PTCHD4: variants seen among roughly 807,000 people sequenced by gnomAD.
PTCHD4 encodes the protein patched domain containing 4.
In PTCHD4, 33 loss-of-function variants were observed where a neutral mutation model predicts 58.1. The ratio of observed to expected loss-of-function variants is 0.57; its 90% CI spans 0.43 to 0.76. The LOEUF is 0.76. Ranked by LOEUF, PTCHD4 falls within the 30% of genes least tolerant of loss-of-function variation. The probability of loss-of-function intolerance (pLI) is 0.00; values close to 1 mark genes in which losing one functional copy is unlikely to be tolerated. For synonymous variants in PTCHD4, 478 were observed against 409.6 expected (o/e 1.17, Z -2.02); for missense variants, 1,058 against 1,027.1 (o/e 1.03, Z -0.41).
At chr6:48,094,853 AT>A (rs931228103) in intron 1 of PTCHD4, among the ~76,000 whole-genome samples, 4 of 152,254 alleles carry the variant, frequency 2.6e-5, no homozygotes, top group Admixed American at 2.6e-4. Context: ...GTAACAGAAT[AT>A]ATGAGTCTCA....
intron 3 of PTCHD4, among the ~76,000 whole-genome samples, chr6:48,047,921 C>G (rs1317479814): frequency 6.7e-6 from 1 of 149,072 alleles, no homozygotes; most frequent in Non-Finnish European, 1.5e-5. Context: ...CCTGATATGA[C>G]TAAGATAAGA....
chr6:47,884,373 A>G (rs1375901478), intron 4 of PTCHD4, among the ~76,000 whole-genome samples: 1 of 152,158 alleles, frequency 6.6e-6, no homozygotes, highest in African/African-American at 2.4e-5. Context: ...TGCTCTCTTG[A>G]AAGAAGCCCC....
intron 3 of PTCHD4, among the ~76,000 whole-genome samples, chr6:48,038,555 G>T (rs12207381): frequency 0.061 from 9,192 of 151,174 alleles, 381 homozygotes; most frequent in Middle Eastern, 0.11. Context: ...CATAAGAATC[G>T]CTTGAACCCG....
chr6:47,976,642 G>A lies in PTCHD4; in HGVS notation c.898+31992C>T, dbSNP rs182799912. On this transcript the variant is annotated intron_variant, in intron 4 of 4. Coordinates refer to ENST00000339488, the MANE Select transcript of PTCHD4 (RefSeq NM_001384253.1). ...TTACTCCAGCCTGGGCCACAAGAGC[G>A]GGACTCCATATCAAAATAAATAAAT... Among the ~76,000 whole-genome samples, 18 of 144,898 alleles carry A rather than the reference G, an allele frequency of 1.2e-4. No homozygotes were observed. In the East Asian group the frequency reaches 3.0e-3, roughly 24 times the overall value.
Position 48,069,364 on chromosome 6 carries a change from G to A in PTCHD4, c.-407C>T, listed in dbSNP as rs1764927644. ...ATTAGAGCCCAAGGAGTGGGGCATGGAGGGAGACAGCCCCAGGGCTCCAGG... is the reference window on the plus strand; with the variant it reads ...ATTAGAGCCCAAGGAGTGGGGCATGAAGGGAGACAGCCCCAGGGCTCCAGG... On this transcript the variant is annotated 5_prime_UTR_variant, in exon 2 of 5. Coordinates refer to ENST00000339488, the MANE Select transcript of PTCHD4 (RefSeq NM_001384253.1). 6.6e-6 allele frequency among the ~76,000 whole-genome samples: 1 copy of A among 152,200 alleles called. No homozygotes were observed.
At chr6:48,019,649 T>C (rs1016430748) in intron 3 of PTCHD4, among the ~76,000 whole-genome samples, 5 of 151,262 alleles carry the variant, frequency 3.3e-5, no homozygotes, top group African/African-American at 1.2e-4. Flanking sequence ...GGCAGGAGAA[T>C]GGCGTTAACC....
At chr6:48,085,354 A>G (rs767232628) in intron 1 of PTCHD4, among the ~76,000 whole-genome samples, 1 of 152,320 alleles carries the variant, frequency 6.6e-6, no homozygotes, top group South Asian at 2.1e-4. Context: ...ATGCTTAATT[A>G]GTGTTTTCTT....
intron 4 of PTCHD4, among the ~76,000 whole-genome samples, chr6:47,954,557 A>G (rs546773048): frequency 3.9e-5 from 6 of 152,356 alleles, no homozygotes; most frequent in Admixed American, 3.3e-4. Flanking sequence ...GGACATGAAC[A>G]TGAAGTACAC....
At position 47,878,429 on chromosome 6, in the gene PTCHD4, C is replaced by T. The variant is rs1763905935; in HGVS notation, c.2406G>A (p.Val802=). Residue 802 remains valine, a synonymous_variant, in exon 5 of 5, where the codon GTG becomes GTA. Coordinates refer to ENST00000339488, the MANE Select transcript of PTCHD4 (RefSeq NM_001384253.1). The stretch of plus-strand genomic sequence containing the variant: ...TGGAAGGGGGGAAAAACGTTAGGAA[C>T]ACAGGTAAAATAACAAAACAGTGCA... ...TLLHCFVILP[V]FLTFFPPSKK... 1 of 1,613,424 alleles carries T rather than the reference C, an allele frequency of 6.2e-7. No individual in the cohort carries two copies.
At chr6:48,052,210 AG>A (rs1232491226) in intron 3 of PTCHD4, among the ~76,000 whole-genome samples, 3 of 152,052 alleles carry the variant, frequency 2.0e-5, no homozygotes, top group African/African-American at 7.2e-5. Flanking sequence ...TGAACTTAAA[AG>A]TTTAATGTTT....
Position 47,878,171 on chromosome 6 carries a change from A to AT in PTCHD4, c.*131dup. On this transcript the variant is annotated 3_prime_UTR_variant, in exon 5 of 5. Transcript: ENST00000339488. Reference sequence around the variant, plus strand: ...CAAGAAGCAGGCACCTTGAAGTGTCATGAATAATGCACTCTTGATCTGACT... The same window carrying AT: ...CAAGAAGCAGGCACCTTGAAGTGTCATTGAATAATGCACTCTTGATCTGACT... 1.3e-6 allele frequency: 1 copy of AT among 747,592 alleles called. No individual in the cohort carries two copies. The highest frequency in any genetic ancestry group is 2.2e-6 in the Non-Finnish European group (1 of 461,782). The allele number at this position is 747,592 out of a possible 1,614,324, so 46.3% of individuals were successfully genotyped here. A position where few individuals can be genotyped will look rare whatever the true frequency, so the allele number is the denominator to read the frequency against.
At chr6:48,055,394 T>C (rs1395446685) in intron 3 of PTCHD4, among the ~76,000 whole-genome samples, 1 of 152,146 alleles carries the variant, frequency 6.6e-6, no homozygotes, top group Admixed American at 6.5e-5. Flanking sequence ...TCAAGTTAGT[T>C]ATCAATTACC....
At chr6:48,042,563 T>C (rs1763883441) in intron 3 of PTCHD4, among the ~76,000 whole-genome samples, 2 of 151,866 alleles carry the variant, frequency 1.3e-5, no homozygotes, top group Non-Finnish European at 2.9e-5. Context: ...AAAGGTGTGA[T>C]AGAAATATCA....
chr6:47,969,323 A>C (rs2113984615), intron 4 of PTCHD4, among the ~76,000 whole-genome samples: 1 of 152,368 alleles, frequency 6.6e-6, no homozygotes, highest in South Asian at 2.1e-4. Context: ...GGGGCAACAA[A>C]CCTATCAAGC....
chr6:48,031,604 G>A (rs138670043), intron 3 of PTCHD4, among the ~76,000 whole-genome samples: 4 of 152,154 alleles, frequency 2.6e-5, no homozygotes, highest in African/African-American at 7.2e-5. Flanking sequence ...TAGAAGCCGT[G>A]GGGGGAATCC....
intron 4 of PTCHD4, among the ~76,000 whole-genome samples, chr6:47,893,254 C>G (rs2114130268): frequency 6.6e-6 from 1 of 152,282 alleles, no homozygotes; most frequent in Admixed American, 6.5e-5. Flanking sequence ...CATGATCTGT[C>G]CACCTCAGCC....
At chr6:47,994,259 A>C (rs1581988022) in intron 4 of PTCHD4, among the ~76,000 whole-genome samples, 1 of 152,332 alleles carries the variant, frequency 6.6e-6, no homozygotes, top group East Asian at 1.9e-4. Flanking sequence ...GGAGAGGGAA[A>C]ACAGAGTGAC....
At chr6:48,009,400 C>T (rs45599036) in intron 3 of PTCHD4, among the ~76,000 whole-genome samples, 18,733 of 152,208 alleles carry the variant, frequency 0.12, 1,498 homozygotes, top group South Asian at 0.2. Context: ...TCACTCATAT[C>T]CCGATTCCCA....
In PTCHD4 at chr6:47,899,525, T is replaced by C. The variant is rs1036408739; in HGVS notation, c.899-19589A>G. On this transcript the variant is annotated intron_variant, in intron 4 of 4. Coordinates refer to ENST00000339488, the MANE Select transcript of PTCHD4 (RefSeq NM_001384253.1). ...ACAGAAAATGAGTCTAGTGAGCAAG[T>C]ATTTGCTGAAATAACTTTGCATGTT... 2.1e-5 allele frequency: 20 copies of C among 938,124 alleles called. No homozygotes were observed. The African/African-American group carries it at 3.6e-4, about 17-fold the overall frequency. The allele number at this position is 938,124 out of a possible 1,614,324, so 58.1% of individuals were successfully genotyped here. A position where few individuals can be genotyped will look rare whatever the true frequency, so the allele number is the denominator to read the frequency against.
Sources: gnomAD v4.1 joint callset for allele counts (sites outside exome capture counted in the v4.1 genomes callset) on GRCh38, gnomAD v4.1.1 for gene constraint, MANE v1.5 for transcripts, NCBI Gene and HGNC (gene_info 2026-07-23, HGNC 2026-07-21) for gene names.